The following ZFAND3 variants were observed in gnomAD, a reference collection of about 807,000 sequenced individuals.
ZFAND3 encodes zinc finger AN1-type containing 3, also known as AN1-type zinc finger protein 3.
ZFAND3 carries 10 observed loss-of-function variants against 29.6 expected under a neutral mutation model. The observed-to-expected ratio is 0.34, with a 90% CI of 0.21 to 0.57. The LOEUF is 0.57. Ranked by LOEUF, ZFAND3 falls within the 20% of genes least tolerant of loss-of-function variation. ZFAND3 has a pLI of 0.86. For missense variants in ZFAND3, 230 were observed against 304.5 expected (o/e 0.76, Z 1.82); for synonymous variants, 128 against 112.6 (o/e 1.14, Z -0.87).
chr6:37,958,521 T>A (rs35051126), intron 2 of ZFAND3, among the ~76,000 whole-genome samples: 14,987 of 151,726 alleles, frequency 0.099, 1,015 homozygotes, highest in East Asian at 0.32. Context: ...ATGAGATTTT[T>A]AAAAAATAAT....
intron 5 of ZFAND3, among the ~76,000 whole-genome samples, chr6:38,125,483 T>A (rs1765617333): frequency 6.6e-6 from 1 of 152,158 alleles, no homozygotes; most frequent in South Asian, 2.1e-4. Flanking sequence ...ACTGAGCTCT[T>A]CTTACAAGAC....
At chr6:38,097,538 C>T (rs186622646) in intron 4 of ZFAND3, among the ~76,000 whole-genome samples, 63 of 152,220 alleles carry the variant, frequency 4.1e-4, no homozygotes, top group African/African-American at 1.3e-3. Context: ...GAGGAGAATT[C>T]GACTATAAGG....
intron 2 of ZFAND3, among the ~76,000 whole-genome samples, chr6:38,024,068 A>G (rs923507407): frequency 3.9e-5 from 6 of 152,206 alleles, no homozygotes; most frequent in Non-Finnish European, 8.8e-5. Flanking sequence ...GGTTACTACT[A>G]TTGACCAACT....
chr6:38,035,972 C>G (rs1385393050), intron 2 of ZFAND3, among the ~76,000 whole-genome samples: 1 of 152,222 alleles, frequency 6.6e-6, no homozygotes, highest in Non-Finnish European at 1.5e-5. Context: ...ATTTGAGCCA[C>G]AACCAGCTTC....
chr6:37,901,266 G>C (rs980648677), intron 1 of ZFAND3, among the ~76,000 whole-genome samples: 8 of 152,154 alleles, frequency 5.3e-5, no homozygotes, highest in African/African-American at 1.9e-4. Context: ...GAGAAAGCAA[G>C]GGAGATTTGA....
chr6:37,969,624 G>A (rs536887117), intron 2 of ZFAND3, among the ~76,000 whole-genome samples: 1 of 152,258 alleles, frequency 6.6e-6, no homozygotes, highest in South Asian at 2.1e-4. Context: ...AGTTGAAAAA[G>A]TATGTAACTC....
At chr6:37,996,666 A>G (rs2127437665) in intron 2 of ZFAND3, among the ~76,000 whole-genome samples, 1 of 152,318 alleles carries the variant, frequency 6.6e-6, no homozygotes, top group African/African-American at 2.4e-5. Context: ...ATATTGTAAG[A>G]GAAAAAATTT....
At chr6:38,056,665 T>C (rs1014771970) in intron 2 of ZFAND3, among the ~76,000 whole-genome samples, 5 of 152,238 alleles carry the variant, frequency 3.3e-5, no homozygotes, top group Admixed American at 3.3e-4. Flanking sequence ...GATTGACGTG[T>C]GAAAAATCAT....
chr6:37,964,094 T>G (rs775589953), intron 2 of ZFAND3, among the ~76,000 whole-genome samples: 37 of 152,324 alleles, frequency 2.4e-4, no homozygotes, highest in African/African-American at 7.5e-4. Context: ...TTCCTTGTCC[T>G]CCCTTCTCCT....
intron 3 of ZFAND3, among the ~76,000 whole-genome samples, chr6:38,080,173 G>T (rs1382917638): frequency 6.6e-6 from 1 of 151,928 alleles, no homozygotes; most frequent in Non-Finnish European, 1.5e-5. Flanking sequence ...GGGGTCTAGG[G>T]GAGGGATAGC....
chr6:38,014,312 T>TATTATTATTATTATTA (rs1554167168), intron 2 of ZFAND3, among the ~76,000 whole-genome samples: 1 of 146,642 alleles, frequency 6.8e-6, no homozygotes, highest in African/African-American at 2.5e-5. Flanking sequence ...GTAATTTTAC[T>TATTATTATTATTATTA]TTATTATTAT....
At chr6:37,993,704 G>A (rs1343838934) in intron 2 of ZFAND3, among the ~76,000 whole-genome samples, 1 of 152,114 alleles carries the variant, frequency 6.6e-6, no homozygotes, top group African/African-American at 2.4e-5. Context: ...TAAAGTATGT[G>A]TGCACGTGTC....
intron 1 of ZFAND3, among the ~76,000 whole-genome samples, chr6:37,828,526 A>C: frequency 6.6e-6 from 1 of 152,364 alleles, no homozygotes; most frequent in East Asian, 1.9e-4. Context: ...AAGAGTATTA[A>C]CTAGCAATAA....
At chr6:37,985,452 A>G (rs922581646) in intron 2 of ZFAND3, among the ~76,000 whole-genome samples, 3 of 151,164 alleles carry the variant, frequency 2.0e-5, no homozygotes, top group Non-Finnish European at 4.4e-5. Context: ...ACATGGTGAA[A>G]CCCTGTCTAC....
Position 38,034,392 on chromosome 6 carries a change from T to C in ZFAND3, c.113-27201T>C, listed in dbSNP as rs563973645. Among the ~76,000 whole-genome samples the C allele has an allele frequency of 5.9e-5, 9 of 152,308 alleles. No individual in the cohort carries two copies. The South Asian group carries it at 6.2e-4, about 11-fold the overall frequency. ...TGCTTTACTGAAAAGCCGCCTGATA[T>C]ATTATACTGGGATGTATCACCCTTT... On this transcript the variant is annotated intron_variant, in intron 2 of 5. Transcript: ENST00000287218.
chr6:38,139,913 TG>T lies in ZFAND3; in HGVS notation c.530-12321del, dbSNP rs1385479276. On this transcript the variant is annotated intron_variant, in intron 5 of 5. Transcript: ENST00000287218. Reference sequence around the variant, plus strand: ...CTGGAAAAAAAGATTCTGGCGGCTTTGACTAGGTGGTGGCAGTAGAGATGGC... The same window carrying T: ...CTGGAAAAAAAGATTCTGGCGGCTTTACTAGGTGGTGGCAGTAGAGATGGC... 3.9e-5 allele frequency among the ~76,000 whole-genome samples: 6 copies of T among 152,312 alleles called. No homozygotes were observed. In the East Asian group the frequency reaches 9.6e-4, roughly 24 times the overall value.
At position 38,152,816 on chromosome 6, in the gene ZFAND3, C is replaced by T; in HGVS notation, c.*427C>T. On this transcript the variant is annotated 3_prime_UTR_variant, in exon 6 of 6. Transcript: ENST00000287218. ...CCAGAAACTCTGTTTAATGATCGGC[C>T]TTTCACCTCTTCACTTATCCTTAGT... 1 of 987,072 alleles carries T rather than the reference C, an allele frequency of 1.0e-6. No homozygotes were observed. The highest frequency in any genetic ancestry group is 4.7e-5 in the South Asian group (1 of 21,314). The allele number at this position is 987,072 out of a possible 1,614,324, so 61.1% of individuals were successfully genotyped here. A position where few individuals can be genotyped will look rare whatever the true frequency, so the allele number is the denominator to read the frequency against.
intron 1 of ZFAND3, among the ~76,000 whole-genome samples, chr6:37,914,662 C>CTTTTTCTTTCTTT (rs1554157823): frequency 2.6e-4 from 16 of 62,466 alleles, no homozygotes; most frequent in African/African-American, 1.0e-3. Context: ...TTCTTTCTTT[C>CTTTTTCTTTCTTT]TTTTTTTTTC....
At chr6:37,983,174 GAA>G (rs2127433074) in intron 2 of ZFAND3, among the ~76,000 whole-genome samples, 1 of 151,656 alleles carries the variant, frequency 6.6e-6, no homozygotes, top group Non-Finnish European at 1.5e-5. Flanking sequence ...GAAGTAGAAG[GAA>G]AAAATATTTT....
Sources: gnomAD v4.1 joint callset for allele counts (sites outside exome capture counted in the v4.1 genomes callset) on GRCh38, gnomAD v4.1.1 for gene constraint, MANE v1.5 for transcripts, NCBI Gene and HGNC (gene_info 2026-07-23, HGNC 2026-07-21) for gene names.